Variants in MAGI2 observed in about 807,000 individuals in gnomAD.
MAGI2 encodes membrane-associated guanylate kinase, WW and PDZ domain-containing protein 2.
MAGI2 carries 35 observed loss-of-function variants against 133.3 expected under a neutral mutation model. The observed-to-expected ratio is 0.26, with a 90% CI of 0.20 to 0.35. The LOEUF is 0.35. Ranked by LOEUF, MAGI2 falls within the 10% of genes least tolerant of loss-of-function variation. MAGI2 has a pLI of 1.00. For synonymous variants in MAGI2, 729 were observed against 710.6 expected, an observed-to-expected ratio of 1.03 and a Z score of -0.41; for missense variants, 1,636 against 1,863.4, an observed-to-expected ratio of 0.88 and a Z score of 2.25.
chr7:79,011,303 A>G (rs892580014), intron 1 of MAGI2, among the ~76,000 whole-genome samples: 1 of 152,178 alleles, frequency 6.6e-6, no homozygotes, highest in Non-Finnish European at 1.5e-5. Flanking sequence ...CTGAGGAAAC[A>G]AAGGAAGAAG....
chr7:78,561,270 C>G (rs1233765892), intron 3 of MAGI2, among the ~76,000 whole-genome samples: 1 of 152,042 alleles, frequency 6.6e-6, no homozygotes, highest in Non-Finnish European at 1.5e-5. Flanking sequence ...TTTGTTCTAG[C>G]AAGTACAAGA....
intron 2 of MAGI2, among the ~76,000 whole-genome samples, chr7:78,814,163 A>G (rs1398562898): frequency 6.6e-6 from 1 of 152,212 alleles, no homozygotes; most frequent in African/African-American, 2.4e-5. Context: ...GTCATAGGAT[A>G]CGAGGCTGTG....
intron 1 of MAGI2, among the ~76,000 whole-genome samples, chr7:79,337,344 A>G (rs1257107852): frequency 6.6e-6 from 1 of 152,232 alleles, no homozygotes; most frequent in Non-Finnish European, 1.5e-5. Flanking sequence ...GTGCAATAAC[A>G]AATTGGAGCA....
At chr7:78,111,558 G>A (rs1583958778) in intron 20 of MAGI2, among the ~76,000 whole-genome samples, 1 of 152,190 alleles carries the variant, frequency 6.6e-6, no homozygotes, top group Admixed American at 6.5e-5. Flanking sequence ...TGACAATGGA[G>A]CTCCCCATGG....
intron 21 of MAGI2, among the ~76,000 whole-genome samples, chr7:78,023,478 T>G (rs1342945607): frequency 6.6e-6 from 1 of 152,102 alleles, no homozygotes; most frequent in East Asian, 1.9e-4. Context: ...AAGGAAGATG[T>G]GCTACACAGC....
chr7:78,159,989 C>T (rs1181437081), intron 16 of MAGI2, 36 bp downstream of exon 16: 3 of 1,523,864 alleles, frequency 2.0e-6, no homozygotes, highest in Non-Finnish European at 2.6e-6. Context: ...CAAAACAAGA[C>T]CCCTTATTCA....
chr7:78,117,342 G>T (rs2150485690), intron 20 of MAGI2, among the ~76,000 whole-genome samples: 1 of 151,640 alleles, frequency 6.6e-6, no homozygotes, highest in South Asian at 2.1e-4. Context: ...GAATAAATAG[G>T]GCTCATCCCA....
chr7:78,993,266 T>G (rs1173421483), intron 2 of MAGI2, among the ~76,000 whole-genome samples: 1 of 152,090 alleles, frequency 6.6e-6, no homozygotes, highest in Non-Finnish European at 1.5e-5. Context: ...CATTAATTAA[T>G]AAATACACTG....
At chr7:78,570,356 C>T (rs1356022603) in intron 3 of MAGI2, among the ~76,000 whole-genome samples, 7 of 152,174 alleles carry the variant, frequency 4.6e-5, no homozygotes, top group African/African-American at 1.7e-4. Context: ...TTAAAATCAT[C>T]TAGACAGACC....
intron 2 of MAGI2, among the ~76,000 whole-genome samples, chr7:78,850,357 T>C (rs1344224715): frequency 1.3e-5 from 2 of 152,032 alleles, no homozygotes; most frequent in Admixed American, 6.6e-5. Context: ...GAGTATAACA[T>C]CCTGATTACA....
In MAGI2 at chr7:78,115,107, T is replaced by C. The variant is rs3807724; in HGVS notation, c.3567+10587A>G. ...GCCAAAAGCAAAGTGAGAATAAGAC[T>C]CCTGGAAGGTAAACAAGTACAAAAG... On this transcript the variant is annotated intron_variant, in intron 20 of 21. Coordinates refer to ENST00000354212, the MANE Select transcript of MAGI2 (RefSeq NM_012301.4). 8.2e-3 allele frequency among the ~76,000 whole-genome samples: 1,245 copies of C among 152,254 alleles called. 46 individuals are homozygous for C. The highest frequency in any genetic ancestry group is 0.069 in the East Asian group (358 of 5,172).
intron 1 of MAGI2, among the ~76,000 whole-genome samples, chr7:79,314,278 T>G (rs1203925989): frequency 6.6e-6 from 1 of 152,114 alleles, no homozygotes; most frequent in Non-Finnish European, 1.5e-5. Context: ...TTGGCCTTAT[T>G]TTAGTATTTT....
At chr7:78,088,126 T>C (rs3807745) in intron 20 of MAGI2, among the ~76,000 whole-genome samples, 112,165 of 152,096 alleles carry the variant, frequency 0.74, 41,381 homozygotes, top group East Asian at 0.77. Context: ...TCTGTATGAG[T>C]GTTATTTCTC....
chr7:79,424,671 T>C (rs1241486875), intron 1 of MAGI2, among the ~76,000 whole-genome samples: 2 of 152,168 alleles, frequency 1.3e-5, no homozygotes, highest in Non-Finnish European at 2.9e-5. Context: ...CATAATTACA[T>C]AAATTTTTTG....
intron 1 of MAGI2, among the ~76,000 whole-genome samples, chr7:79,222,958 C>T (rs1830560369): frequency 6.6e-6 from 1 of 152,052 alleles, no homozygotes; most frequent in African/African-American, 2.4e-5. Flanking sequence ...TGTCTCGGCT[C>T]ACTGCAAGCT....
At chr7:78,597,863 T>C (rs1804782083) in intron 3 of MAGI2, among the ~76,000 whole-genome samples, 1 of 47,044 alleles carries the variant, frequency 2.1e-5, no homozygotes, top group Non-Finnish European at 5.5e-5. Context: ...GCAAACTGTT[T>C]TTTTTTTTCC....
chr7:79,108,117 T>TGCAACATGAGCTGGA (rs1307272280), intron 1 of MAGI2, among the ~76,000 whole-genome samples: 2 of 152,194 alleles, frequency 1.3e-5, no homozygotes, highest in Non-Finnish European at 2.9e-5. Flanking sequence ...ACTCCTGAGA[T>TGCAACATGAGCTGGA]GCAACATGAG....
chr7:78,606,609 T>C (rs1805842207), intron 3 of MAGI2, among the ~76,000 whole-genome samples: 1 of 152,136 alleles, frequency 6.6e-6, no homozygotes, highest in African/African-American at 2.4e-5. Flanking sequence ...GTATATATTC[T>C]ATAAAATGTC....
intron 3 of MAGI2, among the ~76,000 whole-genome samples, chr7:78,575,716 TCAGA>T (rs929142326): frequency 1.1e-4 from 17 of 152,122 alleles, no homozygotes; most frequent in African/African-American, 3.1e-4. Context: ...GAGAAAAACA[TCAGA>T]CAAACTCAAA....
Sources: allele counts gnomAD v4.1 joint callset (sites outside exome capture counted in the v4.1 genomes callset), GRCh38; gene constraint gnomAD v4.1.1; transcripts MANE v1.5; gene names NCBI Gene and HGNC (gene_info 2026-07-23, HGNC 2026-07-21).